MACROD2: variants seen among roughly 807,000 people sequenced by gnomAD.
MACROD2 encodes ADP-ribose glycohydrolase MACROD2.
Under a neutral mutation model 70.4 loss-of-function variants are expected in MACROD2, and 36 were observed. The observed-to-expected ratio is 0.51, with a 90% confidence interval of 0.39 to 0.68. MACROD2 has a LOEUF of 0.68. MACROD2 is among the 30% of genes least tolerant of loss of function. The pLI is 0.00. For synonymous variants in MACROD2, 172 were observed against 178.8 expected, an observed-to-expected ratio of 0.96 and a Z score of 0.30; for missense variants, 496 against 538.4, an observed-to-expected ratio of 0.92 and a Z score of 0.78.
intron 3 of MACROD2, among the ~76,000 whole-genome samples, chr20:14,338,999 A>G (rs2082983466): frequency 6.6e-6 from 1 of 152,196 alleles, no homozygotes; most frequent in East Asian, 1.9e-4. Flanking sequence ...TTAGAGGTGC[A>G]TGACCTTCTC....
chr20:14,133,082 G>A (rs1228058838), intron 3 of MACROD2, among the ~76,000 whole-genome samples: 1 of 152,122 alleles, frequency 6.6e-6, no homozygotes, highest in Non-Finnish European at 1.5e-5. Context: ...TCTGCAGTTG[G>A]CAAGCTGAGG....
chr20:14,241,855 A>G (rs2081932211), intron 3 of MACROD2, among the ~76,000 whole-genome samples: 1 of 152,220 alleles, frequency 6.6e-6, no homozygotes, highest in African/African-American at 2.4e-5. Context: ...GTCTAATACT[A>G]TTCTTTTACA....
In MACROD2 at chr20:15,656,324, G is replaced by T. The variant is rs6135476; in HGVS notation, c.645+156477G>T. ...AATTCCAGAGTCTTAAATTCCTTTA[G>T]CTATGCCCTGCAATCTTTAAGCAGG... On this transcript the variant is annotated intron_variant, in intron 8 of 17. Coordinates refer to ENST00000684519, the MANE Select transcript of MACROD2 (RefSeq NM_001351661.2). 7.7e-4 allele frequency among the ~76,000 whole-genome samples: 118 copies of T among 152,312 alleles called. 1 individual carries two copies. The East Asian group carries it at 0.019, about 25-fold the overall frequency.
chr20:14,690,368 T>C (rs781214197), intron 5 of MACROD2, among the ~76,000 whole-genome samples: 10 of 152,360 alleles, frequency 6.6e-5, no homozygotes, highest in Middle Eastern at 3.4e-3. Flanking sequence ...CATAGCATAA[T>C]ATGTTTGAAT....
intron 8 of MACROD2, among the ~76,000 whole-genome samples, chr20:15,859,931 C>T (rs959897911): frequency 2.0e-5 from 3 of 152,012 alleles, no homozygotes; most frequent in Non-Finnish European, 4.4e-5. Context: ...GTCAGGAGAT[C>T]GAGACCATCC....
At chr20:14,192,551 G>A (rs561226126) in intron 3 of MACROD2, among the ~76,000 whole-genome samples, 1 of 152,210 alleles carries the variant, frequency 6.6e-6, no homozygotes, top group Non-Finnish European at 1.5e-5. Context: ...TGCCAGGACA[G>A]ATCTAGTTAG....
At chr20:14,090,539 C>T (rs2054134288) in intron 3 of MACROD2, among the ~76,000 whole-genome samples, 1 of 147,960 alleles carries the variant, frequency 6.8e-6, no homozygotes, top group African/African-American at 2.5e-5. Context: ...CACCATTGCA[C>T]TCTAGCCTAG....
intron 6 of MACROD2, among the ~76,000 whole-genome samples, chr20:15,304,744 GTTTAAATA>G (rs897394259): frequency 2.6e-5 from 4 of 151,464 alleles, no homozygotes; most frequent in African/African-American, 4.9e-5. Flanking sequence ...AAAAAAAAAA[GTTTAAATA>G]TTTAGCCAAT....
chr20:14,865,018 A>G (rs991643635), intron 5 of MACROD2, among the ~76,000 whole-genome samples: 4 of 152,108 alleles, frequency 2.6e-5, no homozygotes, highest in Non-Finnish European at 5.9e-5. Flanking sequence ...GAAGTGGCTG[A>G]TCACTACAGT....
chr20:14,597,384 A>G (rs1245316210), intron 4 of MACROD2, among the ~76,000 whole-genome samples: 1 of 152,196 alleles, frequency 6.6e-6, no homozygotes, highest in Non-Finnish European at 1.5e-5. Context: ...ATTTCTAAAT[A>G]CAATAGTGTT....
chr20:14,136,322 A>G (rs2148702919), intron 3 of MACROD2, among the ~76,000 whole-genome samples: 1 of 152,306 alleles, frequency 6.6e-6, no homozygotes, highest in South Asian at 2.1e-4. Context: ...AGCTGGAGTT[A>G]GCCGGGGGCA....
chr20:14,926,163 A>AGTTTGTTT (rs56297753), intron 5 of MACROD2, among the ~76,000 whole-genome samples: 9 of 151,816 alleles, frequency 5.9e-5, no homozygotes, highest in South Asian at 2.1e-4. Context: ...CTAAATGCAG[A>AGTTTGTTT]GTTTGTTTGT....
chr20:14,824,806 T>C (rs1182489136), intron 5 of MACROD2, among the ~76,000 whole-genome samples: 1 of 152,078 alleles, frequency 6.6e-6, no homozygotes, highest in African/African-American at 2.4e-5. Flanking sequence ...TTGGAGGCCA[T>C]GAAAGAAACT....
chr20:15,623,734 A>G (rs1600680823), intron 8 of MACROD2, among the ~76,000 whole-genome samples: 1 of 150,768 alleles, frequency 6.6e-6, no homozygotes, highest in Non-Finnish European at 1.5e-5. Context: ...GTGTCTATGT[A>G]TCTATGTATC....
intron 12 of MACROD2, among the ~76,000 whole-genome samples, chr20:15,961,660 C>G (rs940503004): frequency 6.6e-6 from 1 of 152,186 alleles, no homozygotes; most frequent in Admixed American, 6.5e-5. Context: ...AAGGTTCTTT[C>G]AGTAATACAG....
chr20:15,375,508 C>T (rs1251510067), intron 6 of MACROD2, among the ~76,000 whole-genome samples: 4 of 152,010 alleles, frequency 2.6e-5, no homozygotes, highest in Non-Finnish European at 5.9e-5. Context: ...CCAAGATTCA[C>T]CCATTGCAGA....
intron 10 of MACROD2, among the ~76,000 whole-genome samples, chr20:15,931,181 A>G (rs141550238): frequency 2.0e-5 from 3 of 152,316 alleles, no homozygotes; most frequent in African/African-American, 4.8e-5. Flanking sequence ...CCTTGTTAAG[A>G]CAGCAAGAAC....
intron 4 of MACROD2, among the ~76,000 whole-genome samples, chr20:14,665,128 A>G (rs536676376): frequency 2.6e-5 from 4 of 152,156 alleles, no homozygotes; most frequent in Non-Finnish European, 5.9e-5. Context: ...CCATTTTATT[A>G]AAGGCTGTAT....
chr20:15,834,248 G>A (rs1237608559), intron 8 of MACROD2, among the ~76,000 whole-genome samples: 2 of 152,166 alleles, frequency 1.3e-5, no homozygotes, highest in African/African-American at 2.4e-5. Flanking sequence ...GCTGAGGCAC[G>A]AGAATCCCTC....
Sources: gnomAD v4.1 joint callset for allele counts (sites outside exome capture counted in the v4.1 genomes callset) on GRCh38, gnomAD v4.1.1 for gene constraint, MANE v1.5 for transcripts, NCBI Gene and HGNC (gene_info 2026-07-23, HGNC 2026-07-21) for gene names.